Variants in SLC24A2 observed in about 807,000 individuals in gnomAD.
SLC24A2 encodes sodium/potassium/calcium exchanger 2.
SLC24A2 carries 36 observed loss-of-function variants against 62.0 expected under a neutral mutation model. The observed-to-expected ratio is 0.58, with a 90% CI of 0.44 to 0.77. SLC24A2 has a LOEUF of 0.77. Among genes scored for constraint, SLC24A2 ranks in the 30% least tolerant of loss-of-function variants. The pLI, the probability that SLC24A2 is intolerant of heterozygous loss-of-function variation, is 0.00. For synonymous variants in SLC24A2, 358 were observed against 294.0 expected, an observed-to-expected ratio of 1.22 and a Z score of -2.23; for missense variants, 846 against 817.9, an observed-to-expected ratio of 1.03 and a Z score of -0.42.
chr9:19,539,304 C>T (rs1403167457), intron 8 of SLC24A2, among the ~76,000 whole-genome samples: 4 of 120,698 alleles, frequency 3.3e-5, no homozygotes, highest in Non-Finnish European at 6.9e-5. Context: ...GTTAGGGTGT[C>T]AATTTTGGAT....
At chr9:19,947,620 C>A in the SLC24A2 span, among the ~76,000 whole-genome samples, 1 of 151,380 alleles carries the variant, frequency 6.6e-6, no homozygotes, top group Non-Finnish European at 1.5e-5. Flanking sequence ...GAAACCCTGT[C>A]TGTACTAAAA....
the SLC24A2 span, among the ~76,000 whole-genome samples, chr9:19,818,726 T>A: frequency 6.6e-6 from 1 of 152,246 alleles, no homozygotes; most frequent in East Asian, 1.9e-4. Flanking sequence ...ACACATCCCA[T>A]GCTCATGGAC....
chr9:20,078,334 C>T, the SLC24A2 span, among the ~76,000 whole-genome samples: 1 of 143,624 alleles, frequency 7.0e-6, no homozygotes, highest in African/African-American at 2.6e-5. Flanking sequence ...CAACCCCCAA[C>T]CAGAGCAGGT....
chr9:19,740,554 A>G (rs1821644165), intron 2 of SLC24A2, among the ~76,000 whole-genome samples: 1 of 152,256 alleles, frequency 6.6e-6, no homozygotes, highest in Non-Finnish European at 1.5e-5. Flanking sequence ...AGCAGTGAGG[A>G]AAGAACTAAG....
intron 2 of SLC24A2, among the ~76,000 whole-genome samples, chr9:19,777,870 G>A (rs139959768): frequency 4.7e-4 from 71 of 152,132 alleles, no homozygotes; most frequent in African/African-American, 1.7e-3. Flanking sequence ...TAATACTCTT[G>A]TACAATGAAT....
At chr9:20,207,788 G>A in the SLC24A2 span, among the ~76,000 whole-genome samples, 1 of 152,178 alleles carries the variant, frequency 6.6e-6, no homozygotes, top group Non-Finnish European at 1.5e-5. Flanking sequence ...TGGGCACTGG[G>A]GATAACAAAT....
intron 2 of SLC24A2, among the ~76,000 whole-genome samples, chr9:19,762,529 C>A (rs982634438): frequency 6.6e-6 from 1 of 152,168 alleles, no homozygotes; most frequent in Non-Finnish European, 1.5e-5. Flanking sequence ...CTGCATATGG[C>A]TAGCCAGTTT....
the SLC24A2 span, among the ~76,000 whole-genome samples, chr9:20,108,298 C>A: frequency 6.6e-6 from 1 of 152,048 alleles, no homozygotes; most frequent in Non-Finnish European, 1.5e-5. Context: ...GGCGATTCCT[C>A]AGGGATCTAA....
At chr9:19,891,014 A>G in the SLC24A2 span, among the ~76,000 whole-genome samples, 2 of 152,120 alleles carry the variant, frequency 1.3e-5, no homozygotes, top group Non-Finnish European at 2.9e-5. Flanking sequence ...CTCCTACCCT[A>G]ATATCCCCCA....
chr9:20,099,383 A>C, the SLC24A2 span, among the ~76,000 whole-genome samples: 1 of 152,124 alleles, frequency 6.6e-6, no homozygotes, highest in Admixed American at 6.5e-5. Context: ...AGGCAACAAA[A>C]CCATTACCTT....
chr9:19,924,592 A>G, the SLC24A2 span, among the ~76,000 whole-genome samples: 1 of 152,078 alleles, frequency 6.6e-6, no homozygotes, highest in South Asian at 2.1e-4. Flanking sequence ...GCCAGTAAGG[A>G]CCCCATGAGG....
chr9:19,931,053 A>G, the SLC24A2 span, among the ~76,000 whole-genome samples: 31 of 152,376 alleles, frequency 2.0e-4, no homozygotes, highest in Admixed American at 2.0e-3. Flanking sequence ...ACATTAAATA[A>G]TCATGATAAC....
chr9:20,093,765 G>T, the SLC24A2 span, among the ~76,000 whole-genome samples: 7 of 152,118 alleles, frequency 4.6e-5, no homozygotes, highest in East Asian at 1.3e-3. Context: ...GCACAATAGG[G>T]TGACAATGGT....
At chr9:19,959,747 ATAACT>A in the SLC24A2 span, among the ~76,000 whole-genome samples, 1 of 152,210 alleles carries the variant, frequency 6.6e-6, no homozygotes, top group Non-Finnish European at 1.5e-5. Context: ...GTCTATGCAG[ATAACT>A]TAACAATTGC....
the SLC24A2 span, among the ~76,000 whole-genome samples, chr9:20,175,017 T>TTA: frequency 0.61 from 90,635 of 147,666 alleles, 28,089 homozygotes; most frequent in Middle Eastern, 0.78. Context: ...TCTGAATTTT[T>TTA]TATATATATA....
the SLC24A2 span, among the ~76,000 whole-genome samples, chr9:19,964,353 A>T: frequency 6.6e-6 from 1 of 152,088 alleles, no homozygotes; most frequent in East Asian, 1.9e-4. Context: ...CATGTACCCT[A>T]AAACTTAAAG....
At chr9:19,551,711 A>G (rs780761532) in intron 7 of SLC24A2, among the ~76,000 whole-genome samples, 2 of 152,142 alleles carry the variant, frequency 1.3e-5, no homozygotes, top group African/African-American at 2.4e-5. Context: ...CAGAGGTGGC[A>G]TGAGGGGCAG....
chr9:20,100,783 C>T, the SLC24A2 span, among the ~76,000 whole-genome samples: 1 of 152,142 alleles, frequency 6.6e-6, no homozygotes, highest in Non-Finnish European at 1.5e-5. Flanking sequence ...TCCTTCTACA[C>T]TGATTATTTT....
intron 8 of SLC24A2, among the ~76,000 whole-genome samples, chr9:19,542,848 T>C (rs974665028): frequency 6.6e-6 from 1 of 152,338 alleles, no homozygotes; most frequent in Non-Finnish European, 1.5e-5. Context: ...CAGTATTTTA[T>C]TGGGGATTTT....
Sources: gnomAD v4.1 joint callset for allele counts (sites outside exome capture counted in the v4.1 genomes callset) on GRCh38, gnomAD v4.1.1 for gene constraint, MANE v1.5 for transcripts, NCBI Gene and HGNC (gene_info 2026-07-23, HGNC 2026-07-21) for gene names.